Variants in ATP8B4 observed in about 807,000 individuals in gnomAD.
The protein encoded by ATP8B4 is probable phospholipid-transporting ATPase IM.
Under a neutral mutation model 145.6 loss-of-function variants are expected in ATP8B4, and 133 were observed. The ratio of observed to expected loss-of-function variants is 0.91; its 90% CI spans 0.79 to 1.05. The LOEUF is 1.05. Among genes scored for constraint, ATP8B4 ranks in the 50% least tolerant of loss-of-function variants. The probability of loss-of-function intolerance (pLI) is 0.00; values close to 1 mark genes in which losing one functional copy is unlikely to be tolerated. For synonymous variants in ATP8B4, 507 were observed against 492.9 expected, an observed-to-expected ratio of 1.03 and a Z score of -0.38; for missense variants, 1,458 against 1,425.2, an observed-to-expected ratio of 1.02 and a Z score of -0.37.
At chr15:50,178,412 G>A (rs1036785094) in intron 1 of ATP8B4, among the ~76,000 whole-genome samples, 1 of 152,204 alleles carries the variant, frequency 6.6e-6, no homozygotes, top group Non-Finnish European at 1.5e-5. Context: ...AGACAAACTT[G>A]TATAAAAACA....
chr15:50,080,229 T>G (rs193092659), intron 2 of ATP8B4, among the ~76,000 whole-genome samples: 1 of 152,360 alleles, frequency 6.6e-6, no homozygotes, highest in East Asian at 1.9e-4. Context: ...ACTCATTGGA[T>G]GCTTGTCTTT....
intron 1 of ATP8B4, among the ~76,000 whole-genome samples, chr15:50,171,588 C>A (rs1402367418): frequency 1.3e-5 from 2 of 152,138 alleles, no homozygotes; most frequent in African/African-American, 4.8e-5. Flanking sequence ...CCCCTAAACA[C>A]CTACATCAAA....
intron 1 of ATP8B4, among the ~76,000 whole-genome samples, chr15:50,153,870 T>C (rs1232914265): frequency 2.0e-5 from 3 of 152,214 alleles, no homozygotes; most frequent in Non-Finnish European, 2.9e-5. Flanking sequence ...GTTTAGAAGA[T>C]GGCTGTTGAA....
intron 6 of ATP8B4, among the ~76,000 whole-genome samples, chr15:50,022,252 T>C (rs1269248064): frequency 6.6e-6 from 1 of 152,170 alleles, no homozygotes; most frequent in African/African-American, 2.4e-5. Context: ...AAATTTTAGA[T>C]AAAAACTCAC....
chr15:49,977,487 C>T (rs1341211875), intron 12 of ATP8B4, among the ~76,000 whole-genome samples: 3 of 152,062 alleles, frequency 2.0e-5, no homozygotes, highest in Non-Finnish European at 4.4e-5. Context: ...AAAACACTGT[C>T]CCAACTCTCA....
At chr15:50,118,805 A>G (rs2057226153) in intron 1 of ATP8B4, among the ~76,000 whole-genome samples, 1 of 151,844 alleles carries the variant, frequency 6.6e-6, no homozygotes, top group South Asian at 2.1e-4. Context: ...AGGAAGTGAC[A>G]AAGACCTACA....
intron 2 of ATP8B4, among the ~76,000 whole-genome samples, chr15:50,097,615 C>G (rs755249393): frequency 3.1e-4 from 47 of 152,148 alleles, no homozygotes; most frequent in Non-Finnish European, 4.7e-4. Context: ...CATAAGTAAA[C>G]AACCCTTTTG....
At chr15:50,014,801 C>T (rs1295089952) in intron 6 of ATP8B4, among the ~76,000 whole-genome samples, 2 of 152,156 alleles carry the variant, frequency 1.3e-5, no homozygotes, top group African/African-American at 4.8e-5. Context: ...ATTGTTTTGA[C>T]TTCCATTTTA....
At chr15:50,059,193 T>C (rs548449355) in intron 3 of ATP8B4, among the ~76,000 whole-genome samples, 1 of 152,142 alleles carries the variant, frequency 6.6e-6, no homozygotes, top group South Asian at 2.1e-4. Flanking sequence ...AAATAGGCAT[T>C]TGCCTTCTGT....
chr15:50,167,177 T>C lies in ATP8B4; in HGVS notation c.-43+15084A>G, dbSNP rs907879094. Among the ~76,000 whole-genome samples the C allele has an allele frequency of 3.3e-5, 5 of 152,338 alleles. No homozygotes were observed. The East Asian group carries it at 9.6e-4, about 29-fold the overall frequency. ...TAGTTTTGAAGTCAAAATCCCAATT[T>C]ATTTGAAACACAATGTGGTTTAGCA... On this transcript the variant is annotated intron_variant, in intron 1 of 3. Coordinates refer to the ATP8B4 transcript ENST00000558829.
At chr15:50,061,036 C>T (rs1312440729) in intron 3 of ATP8B4, among the ~76,000 whole-genome samples, 1 of 152,092 alleles carries the variant, frequency 6.6e-6, no homozygotes, top group African/African-American at 2.4e-5. Flanking sequence ...TACTGGATTC[C>T]CCCAGTAGGT....
chr15:49,980,742 G>A (rs2046082031), intron 11 of ATP8B4, among the ~76,000 whole-genome samples: 1 of 152,176 alleles, frequency 6.6e-6, no homozygotes, highest in South Asian at 2.1e-4. Flanking sequence ...TGTCCTAAAA[G>A]TATTAAGAAT....
At chr15:50,047,284 T>C in intron 4 of ATP8B4, 67 bp downstream of exon 4, 1 of 1,010,468 alleles carries the variant, frequency 9.9e-7, no homozygotes, top group East Asian at 2.5e-5. Context: ...GTAAATTGAC[T>C]TACTTTTTAC....
chr15:49,885,691 G>C (rs1297262397), intron 23 of ATP8B4: 1 of 151,914 alleles, frequency 6.6e-6, no homozygotes, highest in African/African-American at 2.4e-5. Flanking sequence ...TTAACCAGAC[G>C]CCCCTCCTGG....
Position 50,074,127 on chromosome 15 carries a change from C to A in ATP8B4, c.87G>T (p.Ala29=), listed in dbSNP as rs150270500. ...TATGTGTTATGTGTGTTTCACTTAC[C>A]GCATACTGGAACTTTTCATTATATT... ...DREYNEKFQY[A]DNRIHTSKYN... Residue 29 remains alanine (A), a splice_region_variant and synonymous_variant, in exon 3 of 28, where the codon GCG becomes GCT. Coordinates refer to ENST00000284509, the MANE Select transcript of ATP8B4 (RefSeq NM_024837.4). The A allele has an allele frequency of 3.2e-5, 52 of 1,611,612 alleles. No individual in the cohort carries two copies. The African/African-American group carries it at 6.0e-4, about 19-fold the overall frequency.
intron 1 of ATP8B4, among the ~76,000 whole-genome samples, chr15:50,152,474 G>C (rs367975939): frequency 1.3e-5 from 2 of 152,062 alleles, no homozygotes; most frequent in African/African-American, 4.8e-5. Flanking sequence ...CTTATTGTTT[G>C]ACAATATTTT....
Position 49,931,669 on chromosome 15 carries a change from C to T in ATP8B4, c.1454-362G>A, listed in dbSNP as rs138050515. ...CTAAAACATTTTAATATATATTAAC[C>T]CAAATAATCCTCAGGGCAGCCTTTG... is the stretch of plus-strand genomic sequence containing the variant. On this transcript the variant is annotated intron_variant, in intron 15 of 27. Coordinates refer to ENST00000284509, the MANE Select transcript of ATP8B4 (RefSeq NM_024837.4). Among the ~76,000 whole-genome samples, 472 of 151,962 alleles carry T rather than the reference C, an allele frequency of 3.1e-3. 2 individuals are homozygous for T. Among genetic ancestry groups the T allele is most frequent in the Admixed American group, 6.6e-3 (101 of 15,232 alleles).
intron 2 of ATP8B4, among the ~76,000 whole-genome samples, chr15:50,080,587 T>C (rs939832606): frequency 6.6e-6 from 1 of 151,894 alleles, no homozygotes; most frequent in Non-Finnish European, 1.5e-5. Context: ...CATAATACTA[T>C]CTTGCTAGAA....
intron 1 of ATP8B4, among the ~76,000 whole-genome samples, chr15:50,160,930 T>C (rs2044508953): frequency 6.6e-6 from 1 of 152,144 alleles, no homozygotes; most frequent in Admixed American, 6.5e-5. Flanking sequence ...TTTAGTGATT[T>C]TTCTGTCTGG....
Sources: allele counts gnomAD v4.1 joint callset (sites outside exome capture counted in the v4.1 genomes callset), GRCh38; gene constraint gnomAD v4.1.1; transcripts MANE v1.5; gene names NCBI Gene and HGNC (gene_info 2026-07-23, HGNC 2026-07-21).